SGCE: variants seen among roughly 807,000 people sequenced by gnomAD.
SGCE encodes epsilon-sarcoglycan.
In SGCE, 26 loss-of-function variants were observed where a neutral mutation model predicts 57.8. The ratio of observed to expected loss-of-function variants is 0.45; its 90% CI spans 0.33 to 0.62. The LOEUF (loss-of-function observed/expected upper bound fraction) is 0.62. Among genes scored for constraint, SGCE ranks in the 20% least tolerant of loss-of-function variants. SGCE has a pLI of 0.02. For missense variants in SGCE, 468 were observed against 548.6 expected (o/e 0.85, Z 1.47); for synonymous variants, 183 against 189.5 (o/e 0.97, Z 0.28).
intron 1 of SGCE, among the ~76,000 whole-genome samples, chr7:94,647,212 T>C (rs755743318): frequency 1.3e-5 from 2 of 152,206 alleles, no homozygotes. Context: ...CCTTAAAAAC[T>C]GATCCTATTC....
chr7:94,634,089 T>C (rs1287631460), intron 1 of SGCE, among the ~76,000 whole-genome samples: 1 of 152,174 alleles, frequency 6.6e-6, no homozygotes, highest in Non-Finnish European at 1.5e-5. Flanking sequence ...AATATTTATG[T>C]CCGGGTGACT....
intron 1 of SGCE, among the ~76,000 whole-genome samples, chr7:94,649,415 G>A (rs558159778): frequency 6.6e-6 from 1 of 152,282 alleles, no homozygotes; most frequent in Admixed American, 6.5e-5. Context: ...GTTTTAAAAT[G>A]TAGACACTGG....
Position 94,593,109 on chromosome 7 carries a change from A to G in SGCE, c.1254-4377T>C, listed in dbSNP as rs74552584. Among the ~76,000 whole-genome samples, 234 of 152,232 alleles carry G rather than the reference A, an allele frequency of 1.5e-3. 1 individual carries two copies. Among genetic ancestry groups the G allele is most frequent in the African/African-American group, 5.3e-3 (222 of 41,574 alleles). Reference sequence around the variant, plus strand: ...TACCATAAAGTTAGTTGTCATTGTGACCAAAAGCAGGACAAATGGAAAAAT... The same window carrying G: ...TACCATAAAGTTAGTTGTCATTGTGGCCAAAAGCAGGACAAATGGAAAAAT... On this transcript the variant is annotated intron_variant, in intron 9 of 10. Transcript: ENST00000648936.
chr7:94,652,745 A>G (rs1438407182), intron 1 of SGCE, among the ~76,000 whole-genome samples: 1 of 152,190 alleles, frequency 6.6e-6, no homozygotes, highest in African/African-American at 2.4e-5. Context: ...AATGGATAAA[A>G]TGTTCAATAC....
At chr7:94,617,150 C>G (rs903294094) in intron 5 of SGCE, 1 of 152,116 alleles carries the variant, frequency 6.6e-6, no homozygotes, top group Admixed American at 6.5e-5. Flanking sequence ...GAATCAGTCT[C>G]TAGGGGGAAC....
At chr7:94,594,478 G>C (rs1012777889) in intron 9 of SGCE, 5 of 151,986 alleles carry the variant, frequency 3.3e-5, no homozygotes, top group African/African-American at 1.2e-4. Flanking sequence ...ACACAAGAAA[G>C]GTCTAAGAAA....
intron 1 of SGCE, among the ~76,000 whole-genome samples, chr7:94,643,029 A>C (rs893766857): frequency 6.6e-6 from 1 of 152,218 alleles, no homozygotes; most frequent in African/African-American, 2.4e-5. Context: ...TAGTTACCAT[A>C]AAGAAAGAAT....
Position 94,628,368 on chromosome 7 carries a change from G to T in SGCE, c.233-9C>A. 6.3e-7 allele frequency: 1 copy of T among 1,597,850 alleles called. No homozygotes were observed. The highest frequency in any genetic ancestry group is 8.6e-7 in the Non-Finnish European group (1 of 1,166,660). Reference sequence around the variant, plus strand: ...ATCATTACTAATCTCGCCTAGATAAGAAACAGAGAATTAAGACATAAGACA... The same window carrying T: ...ATCATTACTAATCTCGCCTAGATAATAAACAGAGAATTAAGACATAAGACA... On this transcript the variant is annotated splice_polypyrimidine_tract_variant and intron_variant, in intron 2 of 10. Transcript: ENST00000648936.
At chr7:94,601,840 T>G (rs1218606779) in intron 6 of SGCE, among the ~76,000 whole-genome samples, 1 of 152,130 alleles carries the variant, frequency 6.6e-6, no homozygotes, top group Non-Finnish European at 1.5e-5. Context: ...TGCTTATTTT[T>G]GGGGGGTGAA....
intron 5 of SGCE, among the ~76,000 whole-genome samples, chr7:94,615,270 A>G (rs936304411): frequency 2.0e-5 from 3 of 152,088 alleles, no homozygotes; most frequent in African/African-American, 7.2e-5. Flanking sequence ...GAGGCAGGAG[A>G]ATCGCTTGAA....
At chr7:94,646,386 C>A (rs1807075854) in intron 1 of SGCE, among the ~76,000 whole-genome samples, 1 of 152,172 alleles carries the variant, frequency 6.6e-6, no homozygotes, top group South Asian at 2.1e-4. Context: ...TTACTCACTT[C>A]TCTTGGTATT....
At chr7:94,585,626 A>G (rs1238940811) in intron 10 of SGCE, 111 bp from the exon 11 acceptor site, 2 of 741,464 alleles carry the variant, frequency 2.7e-6, no homozygotes, top group African/African-American at 3.5e-5. Context: ...TCTTAATACA[A>G]TGTAAAATAA....
intron 9 of SGCE, among the ~76,000 whole-genome samples, chr7:94,591,089 T>C (rs1163118070): frequency 1.3e-5 from 2 of 152,266 alleles, no homozygotes; most frequent in Non-Finnish European, 2.9e-5. Context: ...CTTATCCTTG[T>C]GTAGGCTAGA....
intron 5 of SGCE, chr7:94,617,062 T>C (rs1280583386): frequency 6.6e-6 from 1 of 152,168 alleles, no homozygotes; most frequent in African/African-American, 2.4e-5. Context: ...GTGATTGAAT[T>C]CTCAAACAAG....
At chr7:94,633,568 A>AT (rs754597982) in intron 1 of SGCE, among the ~76,000 whole-genome samples, 73 of 152,048 alleles carry the variant, frequency 4.8e-4, no homozygotes, top group Non-Finnish European at 8.8e-4. Flanking sequence ...CAACAACTCT[A>AT]TATTATGTGA....
At chr7:94,614,406 C>G (rs1034400489) in intron 5 of SGCE, among the ~76,000 whole-genome samples, 2 of 152,174 alleles carry the variant, frequency 1.3e-5, no homozygotes, top group Admixed American at 1.3e-4. Flanking sequence ...ATTTCCTGCA[C>G]AGGTCCCTAA....
intron 3 of SGCE, chr7:94,625,469 T>G (rs1479690095): frequency 6.6e-6 from 1 of 152,088 alleles, no homozygotes; most frequent in Non-Finnish European, 1.5e-5. Context: ...ACCATCCCAG[T>G]ACATGTGTTT....
At chr7:94,647,101 C>T (rs1268623678) in intron 1 of SGCE, among the ~76,000 whole-genome samples, 1 of 152,166 alleles carries the variant, frequency 6.6e-6, no homozygotes, top group Non-Finnish European at 1.5e-5. Context: ...TACATGATAG[C>T]ACATTTTAAG....
rs140602695 is a variant in SGCE, at chr7:94,593,690, G to C, written c.1254-4958C>G. Among the ~76,000 whole-genome samples, 43 of 152,106 alleles carry C rather than the reference G, an allele frequency of 2.8e-4. No homozygotes were observed. In the East Asian group the frequency reaches 8.3e-3, roughly 29 times the overall value. ...AGGCAGTTTAAGGAGGTATGGAAGA[G>C]TCTAGAGGCTGAGAAGTATAAACTC... On this transcript the variant is annotated intron_variant, in intron 9 of 10. Coordinates refer to ENST00000648936, the MANE Select transcript of SGCE (RefSeq NM_003919.3).
Sources: gnomAD v4.1 joint callset for allele counts (sites outside exome capture counted in the v4.1 genomes callset) on GRCh38, gnomAD v4.1.1 for gene constraint, MANE v1.5 for transcripts, NCBI Gene and HGNC (gene_info 2026-07-23, HGNC 2026-07-21) for gene names.